PHF20: variants seen among roughly 807,000 people sequenced by gnomAD.
The protein encoded by PHF20 is glioma-expressed antigen 2.
PHF20 carries 23 observed loss-of-function variants against 113.5 expected under a neutral mutation model. That is an observed-to-expected ratio of 0.20 (90% CI 0.15 to 0.29). PHF20 has a LOEUF of 0.29. Ranked by LOEUF, PHF20 falls within the 10% of genes least tolerant of loss-of-function variation. The pLI is 1.00. For missense variants in PHF20, 943 were observed against 1,219.6 expected (o/e 0.77, Z 3.38); for synonymous variants, 434 against 457.3 (o/e 0.95, Z 0.65).
At chr20:35,793,301 CTT>C (rs755495559) in intron 1 of PHF20, among the ~76,000 whole-genome samples, 37 of 139,716 alleles carry the variant, frequency 2.6e-4, no homozygotes, top group Non-Finnish European at 2.8e-4. Context: ...CTTTCTTTTT[CTT>C]TTTTTTTTTT....
At chr20:35,805,691 G>T (rs2041867177) in intron 2 of PHF20, among the ~76,000 whole-genome samples, 1 of 151,900 alleles carries the variant, frequency 6.6e-6, no homozygotes, top group Admixed American at 6.6e-5. Context: ...TGTTGCCAAG[G>T]CTGATCTCGA....
chr20:35,823,406 G>A (rs1142629), intron 2 of PHF20, among the ~76,000 whole-genome samples: 6,515 of 140,426 alleles, frequency 0.046, 187 homozygotes, highest in African/African-American at 0.087. Context: ...TTCAAGACAA[G>A]CCTAAGCAAC....
intron 2 of PHF20, among the ~76,000 whole-genome samples, chr20:35,822,636 C>A (rs2042189316): frequency 6.6e-6 from 1 of 151,422 alleles, no homozygotes; most frequent in Non-Finnish European, 1.5e-5. Flanking sequence ...GAGTTTGAGA[C>A]CAGCCTGGAC....
intron 13 of PHF20, among the ~76,000 whole-genome samples, chr20:35,918,181 C>T (rs909795018): frequency 7.2e-5 from 11 of 152,198 alleles, no homozygotes; most frequent in South Asian, 4.1e-4. Flanking sequence ...TTGGGGAAAC[C>T]ATGCCTGGCC....
At chr20:35,931,136 T>C (rs572752059) in intron 14 of PHF20, 113 bp from the exon 15 acceptor site, 1 of 712,900 alleles carries the variant, frequency 1.4e-6, no homozygotes, top group East Asian at 2.6e-5. Flanking sequence ...ATGAACAAAA[T>C]GAGTATACTA....
chr20:35,899,311 G>A, intron 9 of PHF20, 59 bp from the exon 10 acceptor site: 1 of 1,445,148 alleles, frequency 6.9e-7, no homozygotes, highest in Non-Finnish European at 9.4e-7. Flanking sequence ...GTTAATGCAT[G>A]TTTTGTAATA....
At position 35,845,216 on chromosome 20, in the gene PHF20, C is replaced by T. The variant is rs148893099; in HGVS notation, c.256-2134C>T. Among the ~76,000 whole-genome samples the T allele has an allele frequency of 4.5e-3, 654 of 145,890 alleles. 2 individuals are homozygous for T. Among genetic ancestry groups the T allele is most frequent in the Non-Finnish European group, 7.8e-3 (512 of 66,042 alleles). On this transcript the variant is annotated intron_variant, in intron 3 of 17. Coordinates refer to ENST00000374012, the MANE Select transcript of PHF20 (RefSeq NM_016436.5). ...ATTTATGGTGTTTTTTTTTTCTGTT[C>T]CTGTAATAACAGTTTGTTTTATTTT...
intron 14 of PHF20, among the ~76,000 whole-genome samples, chr20:35,930,383 T>C (rs918877889): frequency 6.6e-6 from 1 of 151,926 alleles, no homozygotes; most frequent in Non-Finnish European, 1.5e-5. Context: ...TGTAAGGTAG[T>C]GATGAATGCC....
At chr20:35,802,938 G>GAAAAA (rs768194320) in intron 2 of PHF20, among the ~76,000 whole-genome samples, 1 of 69,176 alleles carries the variant, frequency 1.4e-5, no homozygotes. Flanking sequence ...GACTCGGTCT[G>GAAAAA]AAAAAAAAAA....
intron 10 of PHF20, among the ~76,000 whole-genome samples, chr20:35,902,935 A>T (rs1255434848): frequency 6.6e-6 from 1 of 151,660 alleles, no homozygotes; most frequent in African/African-American, 2.4e-5. Context: ...TCAGCCAACC[A>T]CTGATGAGCT....
chr20:35,924,975 G>A (rs1308897168), intron 13 of PHF20, among the ~76,000 whole-genome samples: 2 of 152,034 alleles, frequency 1.3e-5, no homozygotes, highest in Non-Finnish European at 2.9e-5. Context: ...GAGAACTATG[G>A]CTCCCCATTG....
At chr20:35,888,043 C>T (rs546535091) in intron 9 of PHF20, among the ~76,000 whole-genome samples, 14 of 149,334 alleles carry the variant, frequency 9.4e-5, no homozygotes, top group Admixed American at 2.7e-4. Flanking sequence ...TGCAATGGTG[C>T]GATCTCGGCC....
intron 3 of PHF20, among the ~76,000 whole-genome samples, chr20:35,843,721 C>A (rs1204994865): frequency 6.6e-6 from 1 of 151,790 alleles, no homozygotes. Context: ...TAGCTGGGAC[C>A]ACGGGCCCAC....
At chr20:35,923,342 C>T (rs141951177) in intron 13 of PHF20, among the ~76,000 whole-genome samples, 62 of 151,642 alleles carry the variant, frequency 4.1e-4, no homozygotes, top group Non-Finnish European at 1.8e-4. Flanking sequence ...GGCTCACACC[C>T]GTAATCCTAG....
chr20:35,910,642 C>A (rs528379564), intron 10 of PHF20, among the ~76,000 whole-genome samples: 4 of 151,648 alleles, frequency 2.6e-5, no homozygotes, highest in East Asian at 3.9e-4. Context: ...CTTTTTTCTT[C>A]CCCCCCGAGA....
chr20:35,920,320 C>T (rs1247785393), intron 13 of PHF20, among the ~76,000 whole-genome samples: 4 of 152,046 alleles, frequency 2.6e-5, no homozygotes, highest in African/African-American at 7.2e-5. Context: ...TCTTATTGTC[C>T]GGTAGTATTC....
At chr20:35,858,903 A>G (rs1252577040) in intron 5 of PHF20, among the ~76,000 whole-genome samples, 2 of 152,082 alleles carry the variant, frequency 1.3e-5, no homozygotes, top group African/African-American at 4.8e-5. Context: ...ATTTTTTTTC[A>G]AAAGTGCCAA....
At chr20:35,782,313 C>T (rs1214810657) in intron 1 of PHF20, 1 of 143,314 alleles carries the variant, frequency 7.0e-6, no homozygotes, top group Non-Finnish European at 1.5e-5. Flanking sequence ...GAGACATTCT[C>T]ACTCTGTTCT....
chr20:35,929,136 G>A (rs911702178), intron 14 of PHF20, among the ~76,000 whole-genome samples: 1 of 152,192 alleles, frequency 6.6e-6, no homozygotes, highest in African/African-American at 2.4e-5. Flanking sequence ...GGTGGGCCTG[G>A]TTCTCCTACT....
Sources: allele counts gnomAD v4.1 joint callset (sites outside exome capture counted in the v4.1 genomes callset), GRCh38; gene constraint gnomAD v4.1.1; transcripts MANE v1.5; gene names NCBI Gene and HGNC (gene_info 2026-07-23, HGNC 2026-07-21).